The following IMMP2L variants were observed in gnomAD, a reference collection of about 807,000 sequenced individuals.
The protein encoded by IMMP2L is mitochondrial inner membrane protease subunit 2.
In IMMP2L, 18 loss-of-function variants were observed where a neutral mutation model predicts 19.3. The observed-to-expected ratio is 0.93, with a 90% confidence interval of 0.64 to 1.38. IMMP2L has a LOEUF of 1.38. Among genes scored for constraint, IMMP2L ranks in the 40% most tolerant of loss-of-function variants. The pLI is 0.00. For missense variants in IMMP2L, 233 were observed against 218.2 expected (o/e 1.07, Z -0.43); for synonymous variants, 76 against 73.0 (o/e 1.04, Z -0.21).
intron 3 of IMMP2L, among the ~76,000 whole-genome samples, chr7:111,427,420 G>T (rs1019386060): frequency 6.6e-6 from 1 of 151,450 alleles, no homozygotes; most frequent in Non-Finnish European, 1.5e-5. Flanking sequence ...AGAAAATGAA[G>T]AACATTCAGA....
intron 3 of IMMP2L, among the ~76,000 whole-genome samples, chr7:111,363,629 C>A (rs1185755585): frequency 6.6e-6 from 1 of 152,002 alleles, no homozygotes; most frequent in East Asian, 1.9e-4. Flanking sequence ...GATTTGTCTG[C>A]CTACGGTCTT....
At chr7:110,762,237 G>T (rs1336816758) in intron 5 of IMMP2L, among the ~76,000 whole-genome samples, 1 of 151,766 alleles carries the variant, frequency 6.6e-6, no homozygotes, top group Non-Finnish European at 1.5e-5. Context: ...TCTGGTAAAT[G>T]TATCACTTTT....
At chr7:110,900,537 T>C (rs1156574845) in intron 4 of IMMP2L, among the ~76,000 whole-genome samples, 3 of 152,132 alleles carry the variant, frequency 2.0e-5, no homozygotes, top group Non-Finnish European at 4.4e-5. Context: ...ACACAACAGA[T>C]CCAACCATGT....
At chr7:111,088,644 T>C (rs1563229068) in intron 3 of IMMP2L, among the ~76,000 whole-genome samples, 1 of 152,146 alleles carries the variant, frequency 6.6e-6, no homozygotes, top group Non-Finnish European at 1.5e-5. Context: ...GATTCCATGG[T>C]TCTCATTTGA....
intron 3 of IMMP2L, among the ~76,000 whole-genome samples, chr7:111,048,920 G>A (rs899242677): frequency 1.3e-5 from 2 of 151,954 alleles, no homozygotes; most frequent in East Asian, 1.9e-4. Context: ...CAAATGCTAC[G>A]TACATTAGTT....
At chr7:111,239,145 A>G (rs111338028) in intron 3 of IMMP2L, among the ~76,000 whole-genome samples, 4 of 151,998 alleles carry the variant, frequency 2.6e-5, no homozygotes, top group African/African-American at 9.6e-5. Flanking sequence ...GTCTCTGTCA[A>G]TTTGAATAAT....
chr7:110,931,976 T>C (rs1815541210), intron 4 of IMMP2L, among the ~76,000 whole-genome samples: 1 of 152,154 alleles, frequency 6.6e-6, no homozygotes, highest in Admixed American at 6.5e-5. Context: ...TCCTTTCTTC[T>C]AGCCTGGGTC....
chr7:111,467,885 C>T (rs1195499488), intron 3 of IMMP2L, among the ~76,000 whole-genome samples: 1 of 152,086 alleles, frequency 6.6e-6, no homozygotes, highest in African/African-American at 2.4e-5. Flanking sequence ...AGCATCGATG[C>T]TTACACTGCC....
At chr7:111,547,893 TG>T (rs1849082059) in intron 1 of IMMP2L, among the ~76,000 whole-genome samples, 1 of 151,996 alleles carries the variant, frequency 6.6e-6, no homozygotes, top group Admixed American at 6.6e-5. Context: ...GCTAATTTTT[TG>T]TATTTTTGGG....
intron 3 of IMMP2L, among the ~76,000 whole-genome samples, chr7:111,157,993 G>A (rs75175921): frequency 0.051 from 7,751 of 152,044 alleles, 363 homozygotes; most frequent in African/African-American, 0.12. Flanking sequence ...TGCACAAGCA[G>A]CACAAATCTG....
chr7:111,476,910 C>T (rs1271362052), intron 3 of IMMP2L, among the ~76,000 whole-genome samples: 1 of 152,116 alleles, frequency 6.6e-6, no homozygotes, highest in African/African-American at 2.4e-5. Context: ...TCCAGGATAA[C>T]CTTTATTTTA....
chr7:110,753,840 G>T (rs1797885021), intron 5 of IMMP2L, among the ~76,000 whole-genome samples: 1 of 151,706 alleles, frequency 6.6e-6, no homozygotes, highest in African/African-American at 2.4e-5. Flanking sequence ...GAGGAAAATT[G>T]TGTCTAAACA....
At chr7:110,838,525 A>G (rs569824378) in intron 5 of IMMP2L, among the ~76,000 whole-genome samples, 6 of 152,174 alleles carry the variant, frequency 3.9e-5, no homozygotes, top group South Asian at 4.1e-4. Context: ...GGACTAATCT[A>G]TTCATGGTTA....
chr7:110,972,764 G>T (rs1268091068), intron 3 of IMMP2L, among the ~76,000 whole-genome samples: 1 of 152,054 alleles, frequency 6.6e-6, no homozygotes, highest in Non-Finnish European at 1.5e-5. Flanking sequence ...ACACAGCCAG[G>T]TGACTAAGAA....
chr7:111,086,178 G>A (rs987353756), intron 3 of IMMP2L, among the ~76,000 whole-genome samples: 20 of 151,088 alleles, frequency 1.3e-4, no homozygotes, highest in African/African-American at 4.9e-4. Flanking sequence ...TGTAATCCCA[G>A]CCATTTGGAA....
intron 1 of IMMP2L, among the ~76,000 whole-genome samples, chr7:111,542,189 A>G (rs1848558190): frequency 6.6e-6 from 1 of 152,134 alleles, no homozygotes; most frequent in Non-Finnish European, 1.5e-5. Flanking sequence ...AAATCAGTCA[A>G]TATTACTCCT....
In IMMP2L at chr7:110,845,274, G is replaced by T. The variant is rs541239332; in HGVS notation, c.408+41319C>A. Among the ~76,000 whole-genome samples the T allele has an allele frequency of 5.3e-5, 8 of 152,242 alleles. No homozygotes were observed. The East Asian group carries it at 1.6e-3, about 30-fold the overall frequency. ...TTTATTTATAAAGATAGTAATTGAT[G>T]AATGAAAATATATGTTAATTTATTT... On this transcript the variant is annotated intron_variant, in intron 5 of 5. Coordinates refer to ENST00000405709, the MANE Select transcript of IMMP2L (RefSeq NM_032549.4).
At position 110,663,722 on chromosome 7, in the gene IMMP2L, C is replaced by A; in HGVS notation, c.409-1G>T. 1 of 1,561,226 alleles carries A rather than the reference C, an allele frequency of 6.4e-7. No individual in the cohort carries two copies. The highest frequency in any genetic ancestry group is 2.3e-5 in the East Asian group (1 of 43,104). On this transcript the variant is annotated splice_acceptor_variant, in intron 5 of 5. Transcript: ENST00000405709. LOFTEE classifies it high-confidence loss of function. ...GGGCATGCAGAAGTCCTAGGGAAAC[C>A]TTAATTCATGAGAAACAGAAAGAAA...
intron 2 of IMMP2L, among the ~76,000 whole-genome samples, chr7:111,496,528 G>C (rs1843609838): frequency 6.6e-6 from 1 of 152,154 alleles, no homozygotes; most frequent in Non-Finnish European, 1.5e-5. Flanking sequence ...AACATGGGCA[G>C]GCACCATGCA....
Sources: allele counts gnomAD v4.1 joint callset (sites outside exome capture counted in the v4.1 genomes callset), GRCh38; gene constraint gnomAD v4.1.1; transcripts MANE v1.5; gene names NCBI Gene and HGNC (gene_info 2026-07-23, HGNC 2026-07-21).